The following MCTP1 variants were observed in gnomAD, a reference collection of about 807,000 sequenced individuals.
The protein encoded by MCTP1 is multiple C2 and transmembrane domain containing 1, also known as multiple C2 and transmembrane domain-containing protein 1.
A neutral mutation model predicts 120.6 loss-of-function variants in MCTP1; 69 were observed. The ratio of observed to expected loss-of-function variants is 0.57; its 90% CI spans 0.47 to 0.70. The LOEUF (loss-of-function observed/expected upper bound fraction) is 0.70. Ranked by LOEUF, MCTP1 falls within the 30% of genes least tolerant of loss-of-function variation. MCTP1 has a pLI of 0.00. For synonymous variants in MCTP1, 529 were observed against 493.1 expected (o/e 1.07, Z -0.96); for missense variants, 1,203 against 1,248.8 (o/e 0.96, Z 0.55).
intron 2 of MCTP1, among the ~76,000 whole-genome samples, chr5:94,993,954 C>T (rs909295723): frequency 6.6e-6 from 1 of 152,126 alleles, no homozygotes; most frequent in African/African-American, 2.4e-5. Flanking sequence ...CTGGGAAGAC[C>T]CATTGAAATT....
chr5:94,766,967 T>TA (rs948616116), intron 19 of MCTP1, among the ~76,000 whole-genome samples: 2 of 150,984 alleles, frequency 1.3e-5, no homozygotes, highest in Admixed American at 1.3e-4. Flanking sequence ...AAGGACACAA[T>TA]AAAAAAAAAT....
chr5:95,222,526 T>C (rs1264569856), intron 1 of MCTP1, among the ~76,000 whole-genome samples: 3 of 152,258 alleles, frequency 2.0e-5, no homozygotes, highest in Non-Finnish European at 2.9e-5. Flanking sequence ...CACAGTTTAC[T>C]TGAGTTTGAT....
intron 1 of MCTP1, among the ~76,000 whole-genome samples, chr5:95,153,432 T>C (rs749214387): frequency 1.3e-5 from 2 of 152,174 alleles, no homozygotes; most frequent in Non-Finnish European, 2.9e-5. Context: ...TACATACAAG[T>C]TCAGTGAACC....
intron 1 of MCTP1, among the ~76,000 whole-genome samples, chr5:95,031,413 TC>T (rs1840263695): frequency 6.6e-6 from 1 of 151,756 alleles, no homozygotes. Flanking sequence ...ATAAAGGAAA[TC>T]CCATCAAACT....
chr5:95,205,525 G>A (rs1211789255), intron 1 of MCTP1, among the ~76,000 whole-genome samples: 1 of 152,058 alleles, frequency 6.6e-6, no homozygotes, highest in East Asian at 1.9e-4. Flanking sequence ...GCGTTTCAAA[G>A]GATACCAACA....
At chr5:94,921,591 C>T (rs1307269850) in intron 7 of MCTP1, among the ~76,000 whole-genome samples, 1 of 152,186 alleles carries the variant, frequency 6.6e-6, no homozygotes, top group Non-Finnish European at 1.5e-5. Flanking sequence ...CTTTCATATA[C>T]ATCTCCTCTA....
At chr5:94,998,683 T>C (rs143434672) in intron 2 of MCTP1, among the ~76,000 whole-genome samples, 1,714 of 152,308 alleles carry the variant, frequency 0.011, 45 homozygotes, top group African/African-American at 0.039. Flanking sequence ...TCTAGTCAGA[T>C]TGCAGAGACT....
rs566812664 is a variant in MCTP1 at position 94,839,677 on chromosome 5, T to C, written c.2436+28656A>G. ...CTGGGATGCACATTCTCTCTTCTAT[T>C]GATGATGAAGTATCTGGGAAGCACT... On this transcript the variant is annotated intron_variant, in intron 17 of 22. Coordinates refer to ENST00000515393, the MANE Select transcript of MCTP1 (RefSeq NM_024717.7). 9.8e-5 allele frequency among the ~76,000 whole-genome samples: 15 copies of C among 152,310 alleles called. No individual in the cohort carries two copies. In the East Asian group the frequency reaches 2.7e-3, roughly 27 times the overall value.
At chr5:95,026,192 A>G (rs1390167986) in intron 1 of MCTP1, among the ~76,000 whole-genome samples, 1 of 151,944 alleles carries the variant, frequency 6.6e-6, no homozygotes, top group Admixed American at 6.6e-5. Context: ...ATATGTATTT[A>G]TGGGTTTCAT....
At chr5:95,221,807 G>A (rs912587071) in intron 1 of MCTP1, among the ~76,000 whole-genome samples, 3 of 152,040 alleles carry the variant, frequency 2.0e-5, no homozygotes, top group Admixed American at 6.5e-5. Flanking sequence ...TCATTCACCC[G>A]TTCTTACCCA....
chr5:95,003,651 C>G (rs1369868298), intron 2 of MCTP1, among the ~76,000 whole-genome samples: 1 of 152,214 alleles, frequency 6.6e-6, no homozygotes, highest in Non-Finnish European at 1.5e-5. Flanking sequence ...CCTCACTCAA[C>G]ATCATGTGAA....
At chr5:94,712,444 A>C (rs952176992) in intron 20 of MCTP1, among the ~76,000 whole-genome samples, 2 of 151,334 alleles carry the variant, frequency 1.3e-5, no homozygotes, top group Admixed American at 1.3e-4. Context: ...GGCAATTTTG[A>C]CCCAATAAAG....
intron 10 of MCTP1, among the ~76,000 whole-genome samples, chr5:94,906,946 T>G (rs1196732845): frequency 1.3e-5 from 2 of 152,216 alleles, no homozygotes; most frequent in African/African-American, 4.8e-5. Context: ...GGACAGATGA[T>G]TATGATGACA....
At chr5:94,908,775 T>C (rs1807637193) in intron 10 of MCTP1, among the ~76,000 whole-genome samples, 1 of 152,106 alleles carries the variant, frequency 6.6e-6, no homozygotes, top group Non-Finnish European at 1.5e-5. Flanking sequence ...CTGCCTCACT[T>C]ACATGCTTCC....
chr5:95,120,994 C>T (rs1758180661), intron 1 of MCTP1, among the ~76,000 whole-genome samples: 1 of 151,956 alleles, frequency 6.6e-6, no homozygotes, highest in African/African-American at 2.4e-5. Context: ...AGTTGCAGGA[C>T]ATGGCCAGGC....
chr5:95,103,159 A>G (rs1756861438), intron 1 of MCTP1, among the ~76,000 whole-genome samples: 2 of 151,794 alleles, frequency 1.3e-5, no homozygotes, highest in South Asian at 4.1e-4. Context: ...TTGTTACCAT[A>G]AGCACATATG....
chr5:95,250,986 T>C (rs1161167003), intron 1 of MCTP1, among the ~76,000 whole-genome samples: 1 of 152,182 alleles, frequency 6.6e-6, no homozygotes, highest in Non-Finnish European at 1.5e-5. Flanking sequence ...GAGATGTTAT[T>C]ATGCTCCAGG....
intron 1 of MCTP1, among the ~76,000 whole-genome samples, chr5:95,205,039 T>C (rs1449698361): frequency 6.6e-6 from 1 of 152,104 alleles, no homozygotes; most frequent in Non-Finnish European, 1.5e-5. Flanking sequence ...AAAACAATTT[T>C]GAGAAAGAAC....
At chr5:94,774,967 C>T (rs759827535) in intron 19 of MCTP1, among the ~76,000 whole-genome samples, 3 of 152,050 alleles carry the variant, frequency 2.0e-5, no homozygotes, top group Non-Finnish European at 4.4e-5. Context: ...GTTTGAGATG[C>T]CAGAGATGCC....
Sources: allele counts gnomAD v4.1 joint callset (sites outside exome capture counted in the v4.1 genomes callset), GRCh38; gene constraint gnomAD v4.1.1; transcripts MANE v1.5; gene names NCBI Gene and HGNC (gene_info 2026-07-23, HGNC 2026-07-21).